The following PCDHGA3 variants were observed in gnomAD, a reference collection of about 807,000 sequenced individuals.
PCDHGA3 encodes protocadherin gamma-A3.
PCDHGA3 carries 40 observed loss-of-function variants against 58.5 expected under a neutral mutation model. The ratio of observed to expected loss-of-function variants is 0.68; its 90% confidence interval spans 0.53 to 0.89. PCDHGA3 has a LOEUF of 0.89. Among genes scored for constraint, PCDHGA3 ranks in the 40% least tolerant of loss-of-function variants. The probability of loss-of-function intolerance (pLI) is 0.00; values close to 1 mark genes in which losing one functional copy is unlikely to be tolerated. For missense variants in PCDHGA3, 1,223 were observed against 1,195.9 expected, an observed-to-expected ratio of 1.02 and a Z score of -0.33; for synonymous variants, 530 against 525.7, an observed-to-expected ratio of 1.01 and a Z score of -0.11.
At chr5:141,399,916 A>G in intron 1 of PCDHGA3, 3 of 1,612,378 alleles carry the variant, frequency 1.9e-6, no homozygotes, top group Non-Finnish European at 1.7e-6. Context: ...CTCAGGACAC[A>G]ACGCCTGGCT....
intron 1 of PCDHGA3, among the ~76,000 whole-genome samples, chr5:141,483,218 A>G (rs2099578440): frequency 6.6e-6 from 1 of 152,188 alleles, no homozygotes; most frequent in Admixed American, 6.5e-5. Flanking sequence ...GATGACAGTC[A>G]CTGCAGAAAT....
intron 1 of PCDHGA3, chr5:141,426,943 C>T: frequency 2.2e-6 from 1 of 456,736 alleles, no homozygotes; most frequent in Non-Finnish European, 4.4e-6. Flanking sequence ...GACCCAGTCC[C>T]AACTGGCACT....
At chr5:141,394,189 C>T (rs543330174) in intron 1 of PCDHGA3, 1 of 1,613,892 alleles carries the variant, frequency 6.2e-7, no homozygotes, top group Admixed American at 1.7e-5. Flanking sequence ...TCCTACTCAG[C>T]GTATATCCTA....
At chr5:141,426,029 A>G (rs576464127) in intron 1 of PCDHGA3, among the ~76,000 whole-genome samples, 13 of 152,216 alleles carry the variant, frequency 8.5e-5, no homozygotes, top group Non-Finnish European at 1.9e-4. Flanking sequence ...AAATAGACTC[A>G]GAGCCCTGCT....
intron 1 of PCDHGA3, chr5:141,372,525 A>G: frequency 6.2e-7 from 1 of 1,613,804 alleles, no homozygotes; most frequent in South Asian, 1.1e-5. Flanking sequence ...GATTCTGGCA[A>G]TCTCCCTGCG....
At chr5:141,383,749 A>G in intron 1 of PCDHGA3, 1 of 1,614,008 alleles carries the variant, frequency 6.2e-7, no homozygotes, top group South Asian at 1.1e-5. Context: ...TTTTCGGAAA[A>G]TAACTCCTAA....
At chr5:141,422,301 G>A (rs777697738) in intron 1 of PCDHGA3, 36 of 1,549,184 alleles carry the variant, frequency 2.3e-5, no homozygotes, top group Non-Finnish European at 3.1e-5. Flanking sequence ...ATTCAATTCT[G>A]GAAAACTCTC....
At chr5:141,418,621 C>G (rs765634746) in intron 1 of PCDHGA3, 2 of 1,613,916 alleles carry the variant, frequency 1.2e-6, no homozygotes, top group Non-Finnish European at 1.7e-6. Flanking sequence ...TTCGGGAAGA[C>G]GTGCCTCCAG....
intron 1 of PCDHGA3, chr5:141,410,760 A>G: frequency 8.5e-7 from 1 of 1,177,482 alleles, no homozygotes; most frequent in Non-Finnish European, 1.2e-6. Flanking sequence ...ATGTTTTTTC[A>G]ATTATAGTTT....
chr5:141,400,513 C>A, intron 1 of PCDHGA3: 1 of 1,613,994 alleles, frequency 6.2e-7, no homozygotes, highest in Non-Finnish European at 8.5e-7. Context: ...GTCGACTTCC[C>A]ATCCTGAGTT....
At chr5:141,356,886 C>T in intron 1 of PCDHGA3, 1 of 1,614,206 alleles carries the variant, frequency 6.2e-7, no homozygotes, top group Non-Finnish European at 8.5e-7. Context: ...TCCCTGAGAT[C>T]CTGTACCCCA....
At chr5:141,433,320 T>A in intron 1 of PCDHGA3, 1 of 792,046 alleles carries the variant, frequency 1.3e-6, no homozygotes, top group Non-Finnish European at 2.0e-6. Flanking sequence ...TTGCCTCCGG[T>A]GTAACAGGGA....
At chr5:141,423,042 G>A in intron 1 of PCDHGA3, 1 of 1,614,220 alleles carries the variant, frequency 6.2e-7, no homozygotes, top group Non-Finnish European at 8.5e-7. Context: ...ACGCCTGGCT[G>A]TCCTATCGCC....
At chr5:141,370,735 TA>T (rs762297700) in intron 1 of PCDHGA3, 1 of 1,613,926 alleles carries the variant, frequency 6.2e-7, no homozygotes, top group Non-Finnish European at 8.5e-7. Context: ...GAAAAGCCTT[TA>T]AACTTTTTTC....
intron 1 of PCDHGA3, among the ~76,000 whole-genome samples, chr5:141,445,489 G>A (rs934531418): frequency 7.2e-5 from 11 of 152,188 alleles, no homozygotes; most frequent in Non-Finnish European, 1.3e-4. Context: ...GAGTTAATGG[G>A]CCCTATTCTA....
At chr5:141,508,756 C>A (rs890362975) in intron 3 of PCDHGA3, among the ~76,000 whole-genome samples, 2 of 151,904 alleles carry the variant, frequency 1.3e-5, no homozygotes, top group African/African-American at 4.8e-5. Flanking sequence ...CTTTCTCTGG[C>A]GCCTCTGAGG....
intron 1 of PCDHGA3, chr5:141,362,311 T>C (rs375210721): frequency 2.2e-5 from 35 of 1,613,970 alleles, no homozygotes; most frequent in Non-Finnish European, 2.8e-5. Context: ...TGCTTGGGAC[T>C]GTTTTCAGCC....
At chr5:141,399,576 C>A (rs2093838433) in intron 1 of PCDHGA3, 4 of 1,614,028 alleles carry the variant, frequency 2.5e-6, no homozygotes, top group Non-Finnish European at 3.4e-6. Context: ...ACGGCCAAGT[C>A]TCCTACTCTA....
chr5:141,512,897 C>T lies in PCDHGA3; in HGVS notation c.*1724C>T, dbSNP rs1482341871. ...CTCCCACCCCACCCTCTTCCTGTGT[C>T]TCACGCAAGTTTTATACTCTAATAT... On this transcript the variant is annotated 3_prime_UTR_variant, in exon 4 of 4. Coordinates refer to ENST00000253812, the MANE Select transcript of PCDHGA3 (RefSeq NM_018916.4). 1.3e-5 allele frequency: 2 copies of T among 152,274 alleles called. No homozygotes were observed. The highest frequency in any genetic ancestry group is 4.8e-5 in the African/African-American group (2 of 41,470). The allele number at this position is 152,274 out of a possible 1,614,324, so 9.4% of individuals were successfully genotyped here. A position where few individuals can be genotyped will look rare whatever the true frequency, so the allele number is the denominator to read the frequency against.
Sources: gnomAD v4.1 joint callset for allele counts (sites outside exome capture counted in the v4.1 genomes callset) on GRCh38, gnomAD v4.1.1 for gene constraint, MANE v1.5 for transcripts, NCBI Gene and HGNC (gene_info 2026-07-23, HGNC 2026-07-21) for gene names.